Variants in SPAG9 observed in about 807,000 individuals in gnomAD.
SPAG9 encodes the protein sperm associated antigen 9, also known as C-Jun-amino-terminal kinase-interacting protein 4.
A neutral mutation model predicts 166.5 loss-of-function variants in SPAG9; 35 were observed. That is an observed-to-expected ratio of 0.21 (90% CI 0.16 to 0.28). The LOEUF is 0.28. Ranked by LOEUF, SPAG9 falls within the 10% of genes least tolerant of loss-of-function variation. The probability of loss-of-function intolerance (pLI) is 1.00; values close to 1 mark genes in which losing one functional copy is unlikely to be tolerated. For missense variants in SPAG9, 1,235 were observed against 1,603.3 expected (o/e 0.77, Z 3.92); for synonymous variants, 534 against 565.5 (o/e 0.94, Z 0.79).
chr17:51,108,373 C>T (rs112341462), intron 1 of SPAG9, among the ~76,000 whole-genome samples: 3,218 of 129,610 alleles, frequency 0.025, 126 homozygotes, highest in African/African-American at 0.088. Context: ...GGTGACAAAG[C>T]GAAAGACTGT....
chr17:51,116,128 C>T (rs1374359408), intron 1 of SPAG9, among the ~76,000 whole-genome samples: 2 of 152,150 alleles, frequency 1.3e-5, no homozygotes, highest in African/African-American at 4.8e-5. Flanking sequence ...TCACTGCAAC[C>T]TCCATCTCCC....
intron 6 of SPAG9, among the ~76,000 whole-genome samples, chr17:51,024,929 G>A (rs1031447097): frequency 7.3e-5 from 11 of 150,920 alleles, no homozygotes; most frequent in Non-Finnish European, 1.6e-4. Context: ...TGAGGCAGGA[G>A]AATCGCTTGA....
intron 1 of SPAG9, among the ~76,000 whole-genome samples, chr17:51,082,377 CAAAAAAAAA>C (rs773287286): frequency 6.1e-5 from 3 of 48,942 alleles, no homozygotes; most frequent in African/African-American, 1.5e-4. Context: ...AAGACTGTCT[CAAAAAAAAA>C]AAAAAAAAAA....
chr17:51,031,963 T>G, intron 5 of SPAG9: 1 of 631,398 alleles, frequency 1.6e-6, no homozygotes, highest in South Asian at 1.5e-5. Flanking sequence ...CTTATCAACA[T>G]GCAGCTCATT....
intron 6 of SPAG9, among the ~76,000 whole-genome samples, chr17:51,022,965 A>AATAATAATAATAATAATC (rs1316266667): frequency 4.7e-5 from 7 of 148,506 alleles, no homozygotes; most frequent in African/African-American, 1.7e-4. Context: ...TAATAATAAT[A>AATAATAATAATAATAATC]ATAATAATAA....
At chr17:51,024,081 A>G (rs1044612273) in intron 6 of SPAG9, among the ~76,000 whole-genome samples, 4 of 152,156 alleles carry the variant, frequency 2.6e-5, no homozygotes, top group African/African-American at 9.7e-5. Flanking sequence ...GGATCACCTG[A>G]GGTCAGGAGT....
Position 51,041,533 on chromosome 17 carries a change from A to G in SPAG9, c.709T>C (p.Leu237=). 6.2e-7 allele frequency: 1 copy of G among 1,614,030 alleles called. No individual in the cohort carries two copies. The highest frequency in any genetic ancestry group is 1.1e-5 in the South Asian group (1 of 91,068). The change falls in exon 5 of 30, where the codon TTA becomes CTA. Residue 237 remains leucine (L), a synonymous_variant. Transcript: ENST00000262013. ...PGSEQWKFQE[L]SQPRSHTSLK... ...CTGGTATGAGAACGTGGTTGACTTA[A>G]TTCCTGAAATTTCCATTGCTCAGAT...
At chr17:51,065,195 AATTTT>A (rs1244143148) in intron 2 of SPAG9, among the ~76,000 whole-genome samples, 8 of 152,098 alleles carry the variant, frequency 5.3e-5, no homozygotes, top group East Asian at 1.9e-4. Flanking sequence ...TTCAATTTTT[AATTTT>A]ATTTTATTTT....
chr17:50,975,937 G>A, intron 27 of SPAG9: 1 of 1,487,992 alleles, frequency 6.7e-7, no homozygotes, highest in Non-Finnish European at 9.1e-7. Context: ...ACATGGAGAG[G>A]TGCATGACAG....
At chr17:51,080,961 G>C (rs1458031826) in intron 1 of SPAG9, among the ~76,000 whole-genome samples, 1 of 149,926 alleles carries the variant, frequency 6.7e-6, no homozygotes, top group Non-Finnish European at 1.5e-5. Context: ...TCCTCTCCTG[G>C]TCTTCTCTAG....
At chr17:51,082,568 A>G (rs1189610730) in intron 1 of SPAG9, among the ~76,000 whole-genome samples, 2 of 152,072 alleles carry the variant, frequency 1.3e-5, no homozygotes, top group Non-Finnish European at 2.9e-5. Context: ...TCACTGCTGT[A>G]TACCCAGTAC....
At chr17:51,010,174 TGAG>T (rs756905482) in intron 9 of SPAG9, among the ~76,000 whole-genome samples, 5 of 152,142 alleles carry the variant, frequency 3.3e-5, no homozygotes, top group Non-Finnish European at 5.9e-5. Flanking sequence ...GGTAATCCCT[TGAG>T]AAGATGCACA....
At chr17:51,070,880 G>T (rs2047803411) in intron 2 of SPAG9, among the ~76,000 whole-genome samples, 1 of 151,958 alleles carries the variant, frequency 6.6e-6, no homozygotes, top group Non-Finnish European at 1.5e-5. Flanking sequence ...GTTAATAGAT[G>T]GCATAGCTTC....
At chr17:51,015,730 G>A (rs2045670686) in intron 8 of SPAG9, among the ~76,000 whole-genome samples, 1 of 140,404 alleles carries the variant, frequency 7.1e-6, no homozygotes, top group Admixed American at 7.5e-5. Flanking sequence ...AAAGAATGAG[G>A]GTTTAAAAAA....
rs1042390759 is a variant in SPAG9 at position 50,965,914 on chromosome 17, T to C, written c.*358A>G. ...TCATTTATCAAGTGTTTCCCATTAA[T>C]TCCATTATTAGTGACAGCTAACAAG... On this transcript the variant is annotated 3_prime_UTR_variant, in exon 30 of 30. Transcript: ENST00000262013. 4.5e-5 allele frequency: 9 copies of C among 197,974 alleles called. No homozygotes were observed. The highest frequency in any genetic ancestry group is 1.6e-4 in the Admixed American group (3 of 19,282). The allele number at this position is 197,974 out of a possible 1,614,324, so 12.3% of individuals were successfully genotyped here.
rs577199478 is a variant in SPAG9, at chr17:50,963,797, A to G, written c.*2475T>C. 3.9e-5 allele frequency: 6 copies of G among 152,358 alleles called. No individual in the cohort carries two copies. Among genetic ancestry groups the G allele is most frequent in the Admixed American group, 1.3e-4 (2 of 15,302 alleles). The allele number at this position is 152,358 out of a possible 1,614,324, so 9.4% of individuals were successfully genotyped here. A position where few individuals can be genotyped will look rare whatever the true frequency, so the allele number is the denominator to read the frequency against. On this transcript the variant is annotated 3_prime_UTR_variant, in exon 30 of 30. Transcript: ENST00000262013. ...ATACAACATTTCCAATAAATGTTTA[A>G]TAATGATTTTTTAAAAGATATTGCC...
chr17:50,969,368 A>G (rs575553649), intron 29 of SPAG9, among the ~76,000 whole-genome samples: 1 of 152,026 alleles, frequency 6.6e-6, no homozygotes, highest in Admixed American at 6.5e-5. Flanking sequence ...GACAGTCCTG[A>G]GCTCTATGGC....
intron 5 of SPAG9, among the ~76,000 whole-genome samples, chr17:51,038,428 G>GT (rs2046704931): frequency 1.3e-5 from 2 of 152,142 alleles, no homozygotes; most frequent in African/African-American, 4.8e-5. Flanking sequence ...AAAACTGAAG[G>GT]AAGTATTTCA....
chr17:51,050,720 G>T (rs1183965009), intron 3 of SPAG9, among the ~76,000 whole-genome samples: 3 of 150,354 alleles, frequency 2.0e-5, no homozygotes, highest in African/African-American at 7.3e-5. Context: ...TATCACTCAG[G>T]TTAAAAAAAA....
Sources: gnomAD v4.1 joint callset for allele counts (sites outside exome capture counted in the v4.1 genomes callset) on GRCh38, gnomAD v4.1.1 for gene constraint, MANE v1.5 for transcripts, NCBI Gene and HGNC (gene_info 2026-07-23, HGNC 2026-07-21) for gene names.